Variants in HDAC11 observed in about 807,000 individuals in gnomAD.
The protein encoded by HDAC11 is histone deacetylase 11.
In HDAC11, 23 loss-of-function variants were observed where a neutral mutation model predicts 41.1. The ratio of observed to expected loss-of-function variants is 0.56; its 90% CI spans 0.40 to 0.79. The LOEUF (loss-of-function observed/expected upper bound fraction) is 0.79. HDAC11 is among the 30% of genes least tolerant of loss of function. The pLI, the probability that HDAC11 is intolerant of heterozygous loss-of-function variation, is 0.00. For missense variants in HDAC11, 402 were observed against 477.3 expected (o/e 0.84, Z 1.47); for synonymous variants, 187 against 186.6 (o/e 1.00, Z -0.02).
In HDAC11 at chr3:13,502,726, C is replaced by T. The variant is rs2125011946; in HGVS notation, c.553-158C>T. The T allele has an allele frequency of 1.6e-6, 1 of 618,764 alleles. No homozygotes were observed. Among genetic ancestry groups the T allele is most frequent in the East Asian group, 2.7e-5 (1 of 36,710 alleles). The allele number at this position is 618,764 out of a possible 1,614,324, so 38.3% of individuals were successfully genotyped here. A position where few individuals can be genotyped will look rare whatever the true frequency, so the allele number is the denominator to read the frequency against. On this transcript the variant is annotated intron_variant, in intron 7 of 9. Transcript: ENST00000295757. This position sits in a 1 kb window ranked among gnomAD's most constrained non-coding sequence, Gnocchi z 4.1. ...TCGGGGCCTGGTTTTAAGGTTGAAT[C>T]CCAGCTCTGCCCCTTAACAGTCATG...
chr3:13,502,027 C>T lies in HDAC11; in HGVS notation c.552+94C>T. ...AGGAGAGTCTCCCTCCTCATGTCCC[C>T]ACGGCTCTCACGGCTTCTGTCTTCT... On this transcript the variant is annotated intron_variant, in intron 7 of 9. Coordinates refer to ENST00000295757, the MANE Select transcript of HDAC11 (RefSeq NM_024827.4). This position sits in a 1 kb window ranked among gnomAD's most constrained non-coding sequence, Gnocchi z 4.1. 1.1e-6 allele frequency: 1 copy of T among 910,198 alleles called. No homozygotes were observed. The highest frequency in any genetic ancestry group is 1.8e-6 in the Non-Finnish European group (1 of 565,362). The allele number at this position is 910,198 out of a possible 1,614,324, so 56.4% of individuals were successfully genotyped here.
intron 3 of HDAC11, among the ~76,000 whole-genome samples, chr3:13,491,774 T>C (rs1031011436): frequency 2.0e-5 from 3 of 152,342 alleles, no homozygotes; most frequent in Middle Eastern, 3.4e-3. Flanking sequence ...GGCCATGCCC[T>C]TTGGCGGGTG....
rs147038175 is a variant in HDAC11 at position 13,504,244 on chromosome 3, G to A, written c.800G>A (p.Arg267His). 181 of 1,613,496 alleles carry A rather than the reference G, an allele frequency of 1.1e-4. 1 individual carries two copies. The highest frequency in any genetic ancestry group is 4.0e-4 in the South Asian group (36 of 91,080). The change falls in exon 9 of 10, where the codon CGC (arginine) becomes CAC (histidine). Residue 267 changes from arginine to histidine, a missense_variant. Arg to His is a conservative substitution (Grantham distance 29, BLOSUM62 0). Coordinates refer to ENST00000295757, the MANE Select transcript of HDAC11 (RefSeq NM_024827.4). Reference sequence around the variant, plus strand: ...GGCACCGACATCCTCGAGGGGGACCGCCTTGGGGGGCTGTCCATCAGCCCA... The same window carrying A: ...GGCACCGACATCCTCGAGGGGGACCACCTTGGGGGGCTGTCCATCAGCCCA... Reference protein sequence around the residue: ...NAGTDILEGDRLGGLSISPAG... With the variant: ...NAGTDILEGDHLGGLSISPAG...
At position 13,498,569 on chromosome 3, in the gene HDAC11, A is replaced by C. The variant is rs1274688516; in HGVS notation, c.412+14A>C. Reference sequence around the variant, plus strand: ...CCATCAACGTGGGTGAGTGCTGGGAATGTCCTCGGGAATGTCCAGCCCGGC... The same window carrying C: ...CCATCAACGTGGGTGAGTGCTGGGACTGTCCTCGGGAATGTCCAGCCCGGC... On this transcript the variant is annotated intron_variant, in intron 5 of 9. Coordinates refer to ENST00000295757, the MANE Select transcript of HDAC11 (RefSeq NM_024827.4). 1 of 1,396,794 alleles carries C rather than the reference A, an allele frequency of 7.2e-7. No individual in the cohort carries two copies. The highest frequency in any genetic ancestry group is 1.9e-5 in the Admixed American group (1 of 52,942). 86.5% of individuals were successfully genotyped at this position (1,396,794 alleles called of 1,614,324 possible).
At position 13,494,250 on chromosome 3, in the gene HDAC11, G is replaced by A. The variant is rs898790358; in HGVS notation, c.253-2486G>A. Among the ~76,000 whole-genome samples the A allele has an allele frequency of 1.2e-4, 19 of 152,162 alleles. 1 individual carries two copies. The highest frequency in any genetic ancestry group is 4.6e-4 in the African/African-American group (19 of 41,426). On this transcript the variant is annotated intron_variant, in intron 3 of 9. Transcript: ENST00000295757. ...CCCTGCTGGCTTCCCAGGGAGGGAG[G>A]GAGGCTGTGACTCCATGTGCTCCTT...
At position 13,498,800 on chromosome 3, in the gene HDAC11, G is replaced by T. The variant is rs1038710654; in HGVS notation, c.412+245G>T. Among the ~76,000 whole-genome samples, 3 of 152,242 alleles carry T rather than the reference G, an allele frequency of 2.0e-5. No homozygotes were observed. The South Asian group carries it at 6.2e-4, about 32-fold the overall frequency. Reference sequence around the variant, plus strand: ...GGGATCCTTGTCTAAGGAGGTCCCCGGGTGGTTCCCCAGCCCCCTCTTTGC... The same window carrying T: ...GGGATCCTTGTCTAAGGAGGTCCCCTGGTGGTTCCCCAGCCCCCTCTTTGC... On this transcript the variant is annotated intron_variant, in intron 5 of 9. Transcript: ENST00000295757.
chr3:13,497,001 T>C (rs1702130656), intron 4 of HDAC11, 149 bp downstream of exon 4: 1 of 510,386 alleles, frequency 2.0e-6, no homozygotes, highest in Non-Finnish European at 3.4e-6. Flanking sequence ...TGACCCTTTC[T>C]CCAAAAGCCT....
At chr3:13,486,267 C>CAAAAAAAAA (rs76727800) in intron 3 of HDAC11, among the ~76,000 whole-genome samples, 77 of 65,082 alleles carry the variant, frequency 1.2e-3, no homozygotes, top group South Asian at 2.0e-3. Flanking sequence ...AACTCCATCT[C>CAAAAAAAAA]AAAAAAAAAA....
At chr3:13,500,812 T>A in intron 6 of HDAC11, 23 bp downstream of exon 6, 1 of 1,493,748 alleles carries the variant, frequency 6.7e-7, no homozygotes, top group East Asian at 2.5e-5. Context: ...GCAAGTGGGG[T>A]CTCGCCTCCA....
chr3:13,498,539 C>T lies in HDAC11; in HGVS notation c.396C>T (p.Gly132=), dbSNP rs566593450. 4.5e-5 allele frequency: 72 copies of T among 1,611,388 alleles called. 2 individuals carry two copies. In the South Asian group the frequency reaches 7.7e-4, roughly 17 times the overall value. The change falls in exon 5 of 10, where the codon GGC becomes GGT. Residue 132 remains glycine, a synonymous_variant. Transcript: ENST00000295757. ...IMAGKLAVER[G]WAINVGGGFH... is the part of the protein sequence containing the mutation. ...CGGGGAAGCTGGCTGTGGAGCGAGG[C>T]TGGGCCATCAACGTGGGTGAGTGCT...
chr3:13,481,351 C>G lies in HDAC11; in HGVS notation c.108C>G (p.Pro36=). The change falls in exon 2 of 10, where the codon CCC becomes CCG. Residue 36 remains proline, a synonymous_variant. Transcript: ENST00000295757. The part of the protein sequence containing the change: ...ITFMGLEKLH[P]FDAGKWGKVI... ...TCATGGGCCTGGAGAAGCTGCATCC[C>G]TTTGATGCCGGAAAATGGGGCAAAG... The G allele has an allele frequency of 1.2e-6, 2 of 1,614,118 alleles. No individual in the cohort carries two copies. Among genetic ancestry groups the G allele is most frequent in the Non-Finnish European group, 1.7e-6 (2 of 1,180,010 alleles).
intron 3 of HDAC11, among the ~76,000 whole-genome samples, chr3:13,484,688 G>A (rs778510665): frequency 6.6e-5 from 10 of 152,146 alleles, no homozygotes; most frequent in African/African-American, 1.2e-4. Flanking sequence ...CACCACACCC[G>A]GCCCTGATTT....
In HDAC11 at chr3:13,504,248, T is replaced by TG. The variant is rs759521707; in HGVS notation, c.810dup (p.Leu271AlafsTer13). On this transcript the variant is annotated frameshift_variant, in exon 9 of 10. Coordinates refer to ENST00000295757, the MANE Select transcript of HDAC11 (RefSeq NM_024827.4). LOFTEE classifies it high-confidence loss of function. ...CCGACATCCTCGAGGGGGACCGCCT[T>TG]GGGGGGCTGTCCATCAGCCCAGCGG... 1.2e-6 allele frequency: 2 copies of TG among 1,613,286 alleles called. No individual in the cohort carries two copies. Among genetic ancestry groups the TG allele is most frequent in the Non-Finnish European group, 1.7e-6 (2 of 1,179,958 alleles).
At chr3:13,496,542 G>A (rs1425790518) in intron 3 of HDAC11, 194 bp from the exon 4 acceptor site, 1 of 541,196 alleles carries the variant, frequency 1.8e-6, no homozygotes, top group African/African-American at 2.0e-5. Context: ...TCTTTACTGA[G>A]CCCAGAGCTT....
At chr3:13,500,225 T>C (rs775196571) in intron 5 of HDAC11, among the ~76,000 whole-genome samples, 6 of 151,970 alleles carry the variant, frequency 3.9e-5, no homozygotes, top group Non-Finnish European at 8.8e-5. Flanking sequence ...CTATGGGCCC[T>C]AGGGCTCTGA....
At chr3:13,486,278 A>G (rs1426003802) in intron 3 of HDAC11, among the ~76,000 whole-genome samples, 3 of 150,840 alleles carry the variant, frequency 2.0e-5, no homozygotes, top group Admixed American at 6.6e-5. Context: ...AAAAAAAAAA[A>G]AAAAAAAAAA....
rs13064319 is a variant in HDAC11 at position 13,496,834 on chromosome 3, G to A, written c.351G>A (p.Gln117=). 1.4e-6 allele frequency: 2 copies of A among 1,468,612 alleles called. No homozygotes were observed. Among genetic ancestry groups the A allele is most frequent in the Non-Finnish European group, 1.9e-6 (2 of 1,067,636 alleles). 91.0% of individuals were successfully genotyped at this position (1,468,612 alleles called of 1,614,324 possible). A position where few individuals can be genotyped will look rare whatever the true frequency, so the allele number is the denominator to read the frequency against. The change falls in exon 4 of 10, where the codon CAG becomes CAA. Residue 117 remains glutamine, a synonymous_variant. Transcript: ENST00000295757. The stretch of plus-strand genomic sequence containing the variant: ...AGGTGCTGAGGCCCCTTCGGACCCA[G>A]ACAGGAGGAACCATAATGGTAGGTG... ...QRKVLRPLRT[Q]TGGTIMAGKL...
Position 13,504,615 on chromosome 3 carries a change from G to A in HDAC11, c.976G>A (p.Gly326Arg), listed in dbSNP as rs575798039. 2 of 1,613,814 alleles carry A rather than the reference G, an allele frequency of 1.2e-6. No individual in the cohort carries two copies. The highest frequency in any genetic ancestry group is 1.3e-5 in the African/African-American group (1 of 75,054). The stretch of plus-strand genomic sequence containing the variant: ...TAATCTGTTTGGCCTGGGGCTCATT[G>A]GGCCTGAGTCACCCAGCGTCTCCGC... ...ILNLFGLGLI[G>R]PESPSVSAQN... Residue 326 changes from glycine (G) to arginine (R), a missense_variant, in exon 10 of 10, where the codon GGG becomes AGG. Transcript: ENST00000295757.
intron 3 of HDAC11, among the ~76,000 whole-genome samples, chr3:13,486,567 AGGT>A (rs1701588627): frequency 1.7e-5 from 2 of 121,018 alleles, no homozygotes; most frequent in Middle Eastern, 4.0e-3. Flanking sequence ...ACTCATGTAG[AGGT>A]GTTTTTTTTT....
Sources: allele counts gnomAD v4.1 joint callset (sites outside exome capture counted in the v4.1 genomes callset), GRCh38; gene constraint gnomAD v4.1.1; non-coding constraint Gnocchi (gnomAD v3.1); transcripts MANE v1.5; gene names NCBI Gene and HGNC (gene_info 2026-07-23, HGNC 2026-07-21).